INTS8: variants seen among roughly 807,000 people sequenced by gnomAD.
INTS8 encodes protein kaonashi-1.
In INTS8, 47 loss-of-function variants were observed where a neutral mutation model predicts 138.9. That is an observed-to-expected ratio of 0.34 (90% CI 0.27 to 0.43). INTS8 has a LOEUF of 0.43. Among genes scored for constraint, INTS8 ranks in the 20% least tolerant of loss-of-function variants. The pLI, the probability that INTS8 is intolerant of heterozygous loss-of-function variation, is 1.00. For synonymous variants in INTS8, 392 were observed against 400.9 expected (o/e 0.98, Z 0.27); for missense variants, 996 against 1,173.0 (o/e 0.85, Z 2.20).
chr8:94,869,392 T>A (rs907492633), intron 20 of INTS8, among the ~76,000 whole-genome samples: 5 of 152,160 alleles, frequency 3.3e-5, no homozygotes, highest in African/African-American at 1.2e-4. Context: ...AATGGTACGA[T>A]CTCGGCTTAC....
intron 22 of INTS8, 38 bp from the exon 23 acceptor site, chr8:94,874,514 G>C: frequency 8.7e-7 from 1 of 1,153,244 alleles, no homozygotes; most frequent in Non-Finnish European, 1.3e-6. Flanking sequence ...ATCCATGTTA[G>C]CTGGTTTTTG....
intron 6 of INTS8, among the ~76,000 whole-genome samples, chr8:94,835,707 C>T (rs947419654): frequency 2.6e-5 from 4 of 152,056 alleles, no homozygotes; most frequent in Admixed American, 6.5e-5. Context: ...TCAAGCGATT[C>T]TCCTGCCCCA....
chr8:94,854,221 AAAAG>A (rs1366221114), intron 14 of INTS8, among the ~76,000 whole-genome samples: 6 of 151,970 alleles, frequency 3.9e-5, no homozygotes, highest in Non-Finnish European at 5.9e-5. Flanking sequence ...AAAAAAAAAA[AAAAG>A]AAAAGAATAT....
rs1815549756 is a variant in INTS8 at position 94,851,645 on chromosome 8, G to T, written c.1600G>T (p.Gly534Cys). Residue 534 changes from glycine (G) to cysteine (C), a missense_variant, in exon 13 of 27, where the codon GGT becomes TGT. Gly to Cys is a radical substitution (Grantham distance 159). Coordinates refer to ENST00000523731, the MANE Select transcript of INTS8 (RefSeq NM_017864.4). ...RIRQILIELH[G>C]MTSERQFWTV... ...TAGACAAATTTTAATTGAATTACAT[G>T]GTATGACTTCAGAGCGCCAGTTCTG... 6.2e-7 allele frequency: 1 copy of T among 1,603,432 alleles called. No individual in the cohort carries two copies.
At chr8:94,859,474 G>A (rs1260370251) in intron 15 of INTS8, 37 bp from the exon 16 acceptor site, 6 of 1,595,504 alleles carry the variant, frequency 3.8e-6, no homozygotes, top group South Asian at 3.3e-5. Context: ...TTAATGTTGT[G>A]ATGGTAATTC....
At position 94,827,264 on chromosome 8, in the gene INTS8, T is replaced by C; in HGVS notation, c.307T>C (p.Leu103=). ...KWDLDILEKS[L]SVPVLNMLLN... Reference sequence around the variant, plus strand: ...ACATGTACGTTTTGCTTCTTCAAGTTTGTCTGTTCCAGTATTGAATATGCT... The same window carrying C: ...ACATGTACGTTTTGCTTCTTCAAGTCTGTCTGTTCCAGTATTGAATATGCT... Residue 103 remains leucine (L), a splice_region_variant and synonymous_variant, in exon 3 of 27, where the codon TTG becomes CTG. Coordinates refer to ENST00000523731, the MANE Select transcript of INTS8 (RefSeq NM_017864.4). The C allele has an allele frequency of 6.2e-7, 1 of 1,613,110 alleles. No individual in the cohort carries two copies. The highest frequency in any genetic ancestry group is 8.5e-7 in the Non-Finnish European group (1 of 1,179,350).
chr8:94,861,081 T>A (rs562203123), intron 16 of INTS8, among the ~76,000 whole-genome samples: 4 of 151,182 alleles, frequency 2.6e-5, no homozygotes, highest in African/African-American at 9.7e-5. Context: ...AAAAATCCTT[T>A]AAATCTGTGT....
intron 1 of INTS8, 92 bp from the exon 2 acceptor site, chr8:94,824,789 CCCCCCCCACCCA>C (rs1271884058): frequency 1.4e-4 from 14 of 101,376 alleles, no homozygotes; most frequent in South Asian, 3.9e-4. Flanking sequence ...CAAACTCCCC[CCCCCCCCACCCA>C]CCCCCCCAAA....
chr8:94,835,236 T>C (rs1814879438), intron 6 of INTS8, among the ~76,000 whole-genome samples: 2 of 152,250 alleles, frequency 1.3e-5, no homozygotes, highest in Non-Finnish European at 2.9e-5. Context: ...CTGCTATTAC[T>C]TGGTTATATG....
intron 16 of INTS8, among the ~76,000 whole-genome samples, chr8:94,863,871 A>G (rs1816082392): frequency 6.6e-6 from 1 of 152,216 alleles, no homozygotes; most frequent in Non-Finnish European, 1.5e-5. Context: ...GTAAGCTTGC[A>G]GGATGAAATA....
At chr8:94,874,293 C>T (rs1239397188) in intron 22 of INTS8, among the ~76,000 whole-genome samples, 2 of 151,898 alleles carry the variant, frequency 1.3e-5, no homozygotes, top group Non-Finnish European at 2.9e-5. Flanking sequence ...TGTAGGCTAC[C>T]AGTACCATAA....
chr8:94,854,356 C>G (rs1041986477), intron 14 of INTS8, among the ~76,000 whole-genome samples: 3 of 151,990 alleles, frequency 2.0e-5, no homozygotes, highest in Non-Finnish European at 2.9e-5. Flanking sequence ...TTGGTTTGTT[C>G]TTTTTGCTTT....
At chr8:94,844,163 T>C (rs1253257764) in intron 10 of INTS8, among the ~76,000 whole-genome samples, 2 of 151,560 alleles carry the variant, frequency 1.3e-5, no homozygotes, top group African/African-American at 2.4e-5. Flanking sequence ...CTCAGCCTCC[T>C]GAGTAGCTAG....
chr8:94,828,914 T>C (rs1814609697), intron 4 of INTS8, 61 bp from the exon 5 acceptor site: 1 of 1,075,972 alleles, frequency 9.3e-7, no homozygotes, highest in African/African-American at 1.6e-5. Context: ...TCTTAAGTTT[T>C]GAATTTTTTA....
chr8:94,827,290 A>C lies in INTS8; in HGVS notation c.333A>C (p.Leu111=), dbSNP rs375805430. Residue 111 remains leucine (L), a synonymous_variant, in exon 3 of 27, where the codon CTA becomes CTC. Coordinates refer to ENST00000523731, the MANE Select transcript of INTS8 (RefSeq NM_017864.4). The part of the protein sequence containing the change: ...KSLSVPVLNM[L]LNELLCISKV... ...TGTCTGTTCCAGTATTGAATATGCTACTAAATGAACTACTCTGCATCAGTA... is the reference window on the plus strand; with the variant it reads ...TGTCTGTTCCAGTATTGAATATGCTCCTAAATGAACTACTCTGCATCAGTA... 3 of 1,613,428 alleles carry C rather than the reference A, an allele frequency of 1.9e-6. No individual in the cohort carries two copies. The highest frequency in any genetic ancestry group is 2.5e-6 in the Non-Finnish European group (3 of 1,179,364).
At position 94,856,547 on chromosome 8, in the gene INTS8, A is replaced by G. The variant is rs185027492; in HGVS notation, c.1753-230A>G. ...ACTTTTATAAAAGTTGCATAATAATATAAGTATTTTATATTGTTTATTGGA... is the reference window on the plus strand; with the variant it reads ...ACTTTTATAAAAGTTGCATAATAATGTAAGTATTTTATATTGTTTATTGGA... On this transcript the variant is annotated intron_variant, in intron 14 of 26. Coordinates refer to ENST00000523731, the MANE Select transcript of INTS8 (RefSeq NM_017864.4). Among the ~76,000 whole-genome samples, 6 of 152,344 alleles carry G rather than the reference A, an allele frequency of 3.9e-5. No individual in the cohort carries two copies. The East Asian group carries it at 1.2e-3, about 29-fold the overall frequency.
intron 21 of INTS8, 31 bp from the exon 22 acceptor site, chr8:94,873,343 C>G (rs758802552): frequency 4.1e-6 from 6 of 1,466,356 alleles, no homozygotes; most frequent in Non-Finnish European, 5.7e-6. Context: ...ACTGTTACCT[C>G]TAATGCTTTA....
At chr8:94,867,476 G>T in intron 20 of INTS8, 139 bp downstream of exon 20, 6 of 551,626 alleles carry the variant, frequency 1.1e-5, no homozygotes, top group Non-Finnish European at 9.6e-6. Flanking sequence ...TCTCTATTAT[G>T]ATAATGATAA....
At chr8:94,854,340 G>C (rs1815667204) in intron 14 of INTS8, among the ~76,000 whole-genome samples, 1 of 152,014 alleles carries the variant, frequency 6.6e-6, no homozygotes, top group South Asian at 2.1e-4. Context: ...TATTTAAAAA[G>C]GCATTTTGGT....
Sources: allele counts gnomAD v4.1 joint callset (sites outside exome capture counted in the v4.1 genomes callset), GRCh38; gene constraint gnomAD v4.1.1; transcripts MANE v1.5; gene names NCBI Gene and HGNC (gene_info 2026-07-23, HGNC 2026-07-21).